Variants in KRAS observed in about 807,000 individuals in gnomAD.
KRAS encodes the protein GTPase KRas.
Under a neutral mutation model 21.0 loss-of-function variants are expected in KRAS, and 1 was observed. The observed-to-expected ratio is 0.05, with a 90% CI of 0.02 to 0.23. The LOEUF (loss-of-function observed/expected upper bound fraction) is 0.23. Among genes scored for constraint, KRAS ranks in the 10% least tolerant of loss-of-function variants. KRAS has a pLI of 1.00. For synonymous variants in KRAS, 67 were observed against 72.5 expected (o/e 0.92, Z 0.39); for missense variants, 107 against 221.8 (o/e 0.48, Z 3.29).
intron 1 of KRAS, among the ~76,000 whole-genome samples, chr12:25,248,290 G>C (rs73288868): frequency 0.02 from 3,000 of 152,112 alleles, 75 homozygotes; most frequent in African/African-American, 0.069. Context: ...GTGAAATCCC[G>C]TATCTAAAAA....
chr12:25,227,594 A>G (rs563090002), intron 2 of KRAS, among the ~76,000 whole-genome samples, 182 bp from the exon 3 acceptor site: 5 of 152,320 alleles, frequency 3.3e-5, no homozygotes, highest in African/African-American at 1.2e-4. Context: ...GATGCTCAAC[A>G]TCATCAATAG....
Position 25,209,148 on chromosome 12 carries a change from T to C in KRAS, c.*647A>G. The C allele has an allele frequency of 3.1e-6, 2 of 639,584 alleles. No homozygotes were observed. The highest frequency in any genetic ancestry group is 3.7e-5 in the South Asian group (2 of 53,340). 39.6% of individuals were successfully genotyped at this position (639,584 alleles called of 1,614,324 possible). ...ATGTGAAAAGGAAATGGCCTTATAA[T>C]AGTTTCCATTGCCTTGTAATTTTTT... On this transcript the variant is annotated 3_prime_UTR_variant, in exon 5 of 5. Transcript: ENST00000311936.
rs1951165626 is a variant in KRAS, at chr12:25,208,462, C to G, written c.*1333G>C. The G allele has an allele frequency of 4.3e-6, 1 of 233,006 alleles. No individual in the cohort carries two copies. Among genetic ancestry groups the G allele is most frequent in the South Asian group, 1.8e-4 (1 of 5,528 alleles). The allele number at this position is 233,006 out of a possible 1,614,324, so 14.4% of individuals were successfully genotyped here. ...GTTAATTTAACCAGTGTTAAGAGAA[C>G]TAGCCAAACCTAGAGATTGTAAAAC... is the stretch of plus-strand genomic sequence containing the variant. On this transcript the variant is annotated 3_prime_UTR_variant, in exon 5 of 5. Coordinates refer to ENST00000311936, the MANE Select transcript of KRAS (RefSeq NM_004985.5).
intron 4 of KRAS, chr12:25,215,328 A>G: frequency 1.4e-6 from 2 of 1,457,670 alleles, no homozygotes; most frequent in Non-Finnish European, 1.9e-6. Flanking sequence ...ATCTTTTAAT[A>G]CTTCAAGTTA....
intron 4 of KRAS, among the ~76,000 whole-genome samples, chr12:25,217,697 G>A (rs140921717): frequency 3.3e-5 from 5 of 152,128 alleles, no homozygotes; most frequent in Non-Finnish European, 5.9e-5. Context: ...ACTTTGAGAG[G>A]GCAAGAGATG....
intron 2 of KRAS, among the ~76,000 whole-genome samples, chr12:25,238,473 G>C (rs1462271272): frequency 6.6e-6 from 1 of 152,082 alleles, no homozygotes; most frequent in Non-Finnish European, 1.5e-5. Flanking sequence ...GACTACATGT[G>C]AATTATGTAA....
intron 1 of KRAS, among the ~76,000 whole-genome samples, chr12:25,249,967 G>C (rs1951743447): frequency 6.6e-6 from 1 of 152,128 alleles, no homozygotes. Context: ...TTCACTGTAG[G>C]TCACAGGCTC....
chr12:25,245,667 G>C (rs1027470005), intron 1 of KRAS, among the ~76,000 whole-genome samples: 1 of 152,122 alleles, frequency 6.6e-6, no homozygotes, highest in Non-Finnish European at 1.5e-5. Flanking sequence ...TTAAAATCAA[G>C]TTGTTCTATC....
chr12:25,224,724 C>G (rs1185911785), intron 4 of KRAS, among the ~76,000 whole-genome samples: 1 of 152,048 alleles, frequency 6.6e-6, no homozygotes, highest in Admixed American at 6.6e-5. Flanking sequence ...ACATACTGTA[C>G]AGGTTTGTAT....
At chr12:25,245,217 T>G in intron 2 of KRAS, 57 bp downstream of exon 2, 4 of 1,535,546 alleles carry the variant, frequency 2.6e-6, no homozygotes, top group Non-Finnish European at 3.5e-6. Context: ...GAGAAACCTT[T>G]ATCTGTATCA....
At position 25,244,151 on chromosome 12, in the gene KRAS, T is replaced by C. The variant is rs992687357; in HGVS notation, c.111+1123A>G. Reference sequence around the variant, plus strand: ...AGCGCAAAGTGTCTCTTCAAGACACTACACAGTACAGTACGTTAATAAGGC... The same window carrying C: ...AGCGCAAAGTGTCTCTTCAAGACACCACACAGTACAGTACGTTAATAAGGC... On this transcript the variant is annotated intron_variant, in intron 2 of 4. Coordinates refer to ENST00000311936, the MANE Select transcript of KRAS (RefSeq NM_004985.5). Among the ~76,000 whole-genome samples, 3 of 152,304 alleles carry C rather than the reference T, an allele frequency of 2.0e-5. No homozygotes were observed. In the East Asian group the frequency reaches 5.8e-4, roughly 29 times the overall value.
At chr12:25,239,751 G>C (rs1024232236) in intron 2 of KRAS, among the ~76,000 whole-genome samples, 1 of 152,080 alleles carries the variant, frequency 6.6e-6, no homozygotes, top group African/African-American at 2.4e-5. Context: ...TCAGGAGTTC[G>C]AGACTAGCCT....
intron 2 of KRAS, among the ~76,000 whole-genome samples, chr12:25,244,470 T>C (rs549295374): frequency 8.1e-4 from 124 of 152,304 alleles, no homozygotes; most frequent in Non-Finnish European, 7.4e-4. Flanking sequence ...ACAAGGACAG[T>C]TGGGGAATGT....
At chr12:25,221,879 G>A (rs1427466811) in intron 4 of KRAS, among the ~76,000 whole-genome samples, 8 of 152,114 alleles carry the variant, frequency 5.3e-5, no homozygotes, top group Non-Finnish European at 8.8e-5. Context: ...GGCCAGGCGC[G>A]GTGGCTCATG....
Position 25,205,721 on chromosome 12 carries a change from C to A in KRAS, c.*4074G>T, listed in dbSNP as rs886049177. The A allele has an allele frequency of 5.4e-6, 1 of 185,230 alleles. No individual in the cohort carries two copies. The highest frequency in any genetic ancestry group is 1.1e-5 in the Non-Finnish European group (1 of 92,924). The allele number at this position is 185,230 out of a possible 1,614,324, so 11.5% of individuals were successfully genotyped here. A position where few individuals can be genotyped will look rare whatever the true frequency, so the allele number is the denominator to read the frequency against. ...GAGAGATGGGCCCTCAACATATCTG[C>A]AGATAACTTTTTTTTCCCCTAAATT... On this transcript the variant is annotated 3_prime_UTR_variant, in exon 5 of 5. Transcript: ENST00000311936.
chr12:25,218,179 A>AG, intron 4 of KRAS, among the ~76,000 whole-genome samples: 1 of 152,160 alleles, frequency 6.6e-6, no homozygotes, highest in East Asian at 1.9e-4. Flanking sequence ...ACCAGGTAAA[A>AG]GCTCATATTT....
chr12:25,249,302 C>G (rs1302733072), intron 1 of KRAS, among the ~76,000 whole-genome samples: 1 of 152,102 alleles, frequency 6.6e-6, no homozygotes, highest in African/African-American at 2.4e-5. Context: ...GAGGCTGAGG[C>G]AGGAGAATTG....
intron 2 of KRAS, among the ~76,000 whole-genome samples, chr12:25,239,683 C>G (rs1394851440): frequency 6.6e-6 from 1 of 152,170 alleles, no homozygotes; most frequent in Non-Finnish European, 1.5e-5. Context: ...TTTCTAAGCT[C>G]TGTGCCTTGA....
At chr12:25,216,439 T>A (rs1951256764) in intron 4 of KRAS, among the ~76,000 whole-genome samples, 1 of 152,166 alleles carries the variant, frequency 6.6e-6, no homozygotes, top group Non-Finnish European at 1.5e-5. Context: ...CACACCTGAC[T>A]GATTTTTGTA....
Sources: allele counts gnomAD v4.1 joint callset (sites outside exome capture counted in the v4.1 genomes callset), GRCh38; gene constraint gnomAD v4.1.1; transcripts MANE v1.5; gene names NCBI Gene and HGNC (gene_info 2026-07-23, HGNC 2026-07-21).